SFMBT2: variants seen among roughly 807,000 people sequenced by gnomAD.
The protein encoded by SFMBT2 is scm-like with four MBT domains protein 2.
A neutral mutation model predicts 110.1 loss-of-function variants in SFMBT2; 38 were observed. That is an observed-to-expected ratio of 0.35 (90% CI 0.27 to 0.45). SFMBT2 has a LOEUF of 0.45. Among genes scored for constraint, SFMBT2 ranks in the 20% least tolerant of loss-of-function variants. The probability of loss-of-function intolerance (pLI) is 1.00; values close to 1 mark genes in which losing one functional copy is unlikely to be tolerated. For missense variants in SFMBT2, 1,011 were observed against 1,094.9 expected (o/e 0.92, Z 1.08); for synonymous variants, 425 against 425.4 (o/e 1.00, Z 0.01).
intron 1 of SFMBT2, among the ~76,000 whole-genome samples, chr10:7,391,379 T>A (rs572070532): frequency 2.3e-4 from 34 of 150,338 alleles, no homozygotes; most frequent in Non-Finnish European, 3.7e-4. Context: ...GGCAGGAGAA[T>A]CGCTTGAACC....
At chr10:7,227,159 C>CA (rs1296400550) in intron 10 of SFMBT2, among the ~76,000 whole-genome samples, 1 of 152,184 alleles carries the variant, frequency 6.6e-6, no homozygotes, top group African/African-American at 2.4e-5. Context: ...GCACAGAAGT[C>CA]ACTAGCATCT....
chr10:7,279,083 A>G (rs1025108237), intron 6 of SFMBT2, among the ~76,000 whole-genome samples: 7 of 150,356 alleles, frequency 4.7e-5, no homozygotes, highest in Admixed American at 4.0e-4. Context: ...TTCATCTCCA[A>G]AAAAAAAAAC....
chr10:7,184,982 G>C (rs1838350939), intron 16 of SFMBT2, among the ~76,000 whole-genome samples: 1 of 152,152 alleles, frequency 6.6e-6, no homozygotes, highest in African/African-American at 2.4e-5. Context: ...TTGGTCACTG[G>C]ACTTCAGGGT....
At chr10:7,231,815 T>C (rs1468024636) in intron 9 of SFMBT2, among the ~76,000 whole-genome samples, 1 of 152,220 alleles carries the variant, frequency 6.6e-6, no homozygotes, top group Admixed American at 6.5e-5. Context: ...TTCAAATTCT[T>C]TTCCTTTGGG....
chr10:7,348,863 G>A (rs1185901629), intron 4 of SFMBT2, among the ~76,000 whole-genome samples: 5 of 152,180 alleles, frequency 3.3e-5, no homozygotes, highest in South Asian at 2.1e-4. Context: ...AACCTGCCAC[G>A]GTCATTTCTG....
intron 11 of SFMBT2, among the ~76,000 whole-genome samples, chr10:7,211,067 C>T (rs2692821): frequency 2.0e-5 from 3 of 151,766 alleles, no homozygotes; most frequent in Non-Finnish European, 4.4e-5. Context: ...ACTGAGGCAC[C>T]GGAAGAAATC....
chr10:7,293,649 A>T lies in SFMBT2; in HGVS notation c.437-7695T>A, dbSNP rs529071634. ...CACAGCTAGACTGCATAATAAAGAG[A>T]CCCAAAAACACAGCCACAGAGGTGC... On this transcript the variant is annotated intron_variant, in intron 4 of 20. Coordinates refer to ENST00000397167, the MANE Select transcript of SFMBT2 (RefSeq NM_001387889.1). The surrounding 1 kb of genome is among the most constrained non-coding windows in gnomAD (Gnocchi z 4.6). Among the ~76,000 whole-genome samples the T allele has an allele frequency of 7.9e-5, 12 of 152,192 alleles. No individual in the cohort carries two copies. Among genetic ancestry groups the T allele is most frequent in the African/African-American group, 2.2e-4 (9 of 41,522 alleles).
intron 6 of SFMBT2, among the ~76,000 whole-genome samples, chr10:7,280,965 G>A (rs1027698384): frequency 5.9e-5 from 9 of 152,202 alleles, no homozygotes; most frequent in East Asian, 1.9e-4. Flanking sequence ...CAAGGGCCAC[G>A]TGGAGTGGTT....
intron 7 of SFMBT2, among the ~76,000 whole-genome samples, chr10:7,259,591 T>A (rs1214058967): frequency 6.6e-6 from 1 of 152,256 alleles, no homozygotes; most frequent in South Asian, 2.1e-4. Flanking sequence ...ACATGTCCAC[T>A]GAAGGGCACA....
At chr10:7,288,488 T>C (rs1396496725) in intron 4 of SFMBT2, among the ~76,000 whole-genome samples, 3 of 152,120 alleles carry the variant, frequency 2.0e-5, no homozygotes, top group Non-Finnish European at 4.4e-5. Flanking sequence ...CATAAAACTG[T>C]GTTCTTGTGT....
intron 2 of SFMBT2, among the ~76,000 whole-genome samples, chr10:7,372,344 A>C (rs542540971): frequency 6.6e-6 from 1 of 152,298 alleles, no homozygotes; most frequent in East Asian, 1.9e-4. Flanking sequence ...GGCTATTTTA[A>C]ATTTTGCCTT....
chr10:7,281,472 GGCCT>G (rs1841947374), intron 6 of SFMBT2, among the ~76,000 whole-genome samples: 1 of 152,000 alleles, frequency 6.6e-6, no homozygotes, highest in Admixed American at 6.6e-5. Context: ...CGAGAAAATC[GGCCT>G]AGTATTTTCT....
chr10:7,226,260 G>A (rs142324699), intron 10 of SFMBT2, among the ~76,000 whole-genome samples: 5 of 152,312 alleles, frequency 3.3e-5, no homozygotes, highest in South Asian at 2.1e-4. Flanking sequence ...TCTCAAGGTC[G>A]TTCAATCATA....
intron 1 of SFMBT2, among the ~76,000 whole-genome samples, chr10:7,386,270 T>C (rs191132006): frequency 6.6e-6 from 1 of 152,244 alleles, no homozygotes; most frequent in East Asian, 1.9e-4. Context: ...GCAATAGTAG[T>C]GTCCTAGTGA....
chr10:7,283,988 C>T lies in SFMBT2; in HGVS notation c.688G>A (p.Asp230Asn). 6.2e-7 allele frequency: 1 copy of T among 1,609,848 alleles called. No individual in the cohort carries two copies. Among genetic ancestry groups the T allele is most frequent in the Non-Finnish European group, 8.5e-7 (1 of 1,176,042 alleles). The change falls in exon 6 of 21, where the codon GAC becomes AAC. Residue 230 changes from aspartate to asparagine, a missense_variant. Physicochemically the swap from Asp to Asn is conservative, Grantham distance 23. Around this residue, in one of 2 missense-constraint regions of SFMBT2, gnomAD observed 979 missense variants for 1,016.1 expected, o/e 0.96. Coordinates refer to ENST00000397167, the MANE Select transcript of SFMBT2 (RefSeq NM_001387889.1). ...TAATCCAAGTAAAACAACCACTGGT[C>T]ATAGGATTCAGTGTCCTCCAATCCC... ...YVGLEDTESY[D>N]QWLFYLDYRL... is the part of the protein sequence containing the mutation.
At chr10:7,228,331 G>C (rs1839960077) in intron 9 of SFMBT2, 2 of 774,186 alleles carry the variant, frequency 2.6e-6, no homozygotes, top group African/African-American at 3.8e-5. Flanking sequence ...CTTACTTTTC[G>C]GTGTCTTTAT....
chr10:7,238,201 G>C (rs1439519078), intron 9 of SFMBT2, among the ~76,000 whole-genome samples: 4 of 152,184 alleles, frequency 2.6e-5, no homozygotes, highest in Admixed American at 2.6e-4. Flanking sequence ...GCTGCTGCAG[G>C]AACCAGGTGA....
At chr10:7,240,426 C>G (rs1287192684) in intron 9 of SFMBT2, among the ~76,000 whole-genome samples, 2 of 152,290 alleles carry the variant, frequency 1.3e-5, no homozygotes, top group East Asian at 1.9e-4. Flanking sequence ...CTGATAAGTA[C>G]TTGAATTTTT....
At chr10:7,197,500 TA>T in intron 15 of SFMBT2, 47 bp downstream of exon 15, 2 of 1,593,126 alleles carry the variant, frequency 1.3e-6, no homozygotes, top group Non-Finnish European at 1.7e-6. Flanking sequence ...CACAGCTTTT[TA>T]AAAAATCCTG....
Sources: gnomAD v4.1 joint callset for allele counts (sites outside exome capture counted in the v4.1 genomes callset) on GRCh38, gnomAD v4.1.1 for gene constraint, gnomAD v4.1.1 regional missense constraint, Gnocchi (gnomAD v3.1) non-coding constraint, MANE v1.5 for transcripts, NCBI Gene and HGNC (gene_info 2026-07-23, HGNC 2026-07-21) for gene names.